Variants in KAZN observed in about 807,000 individuals in gnomAD.
KAZN encodes the protein kazrin.
In KAZN, 40 loss-of-function variants were observed where a neutral mutation model predicts 87.4. The ratio of observed to expected loss-of-function variants is 0.46; its 90% confidence interval spans 0.36 to 0.60. KAZN has a LOEUF of 0.60. Ranked by LOEUF, KAZN falls within the 20% of genes least tolerant of loss-of-function variation. The probability of loss-of-function intolerance (pLI) is 0.00; values close to 1 mark genes in which losing one functional copy is unlikely to be tolerated. For synonymous variants in KAZN, 466 were observed against 458.3 expected (o/e 1.02, Z -0.22); for missense variants, 898 against 1,073.9 (o/e 0.84, Z 2.29).
At chr1:14,458,582 A>T (rs1315372991) in intron 2 of KAZN, among the ~76,000 whole-genome samples, 1 of 152,140 alleles carries the variant, frequency 6.6e-6, no homozygotes, top group African/African-American at 2.4e-5. Flanking sequence ...TTCTCCGGGG[A>T]GGCTCTTGAG....
At chr1:14,742,451 T>C (rs1644132403) in intron 1 of KAZN, among the ~76,000 whole-genome samples, 1 of 152,152 alleles carries the variant, frequency 6.6e-6, no homozygotes, top group Non-Finnish European at 1.5e-5. Flanking sequence ...ACTTGTTGGA[T>C]TAACTAAGTG....
chr1:14,542,627 G>A (rs555614231), intron 2 of KAZN, among the ~76,000 whole-genome samples: 16 of 152,328 alleles, frequency 1.1e-4, no homozygotes, highest in South Asian at 8.3e-4. Context: ...GTGTGATGCT[G>A]AGGTTTGGAG....
intron 1 of KAZN, among the ~76,000 whole-genome samples, chr1:14,806,430 T>C (rs968510403): frequency 1.3e-5 from 2 of 152,188 alleles, no homozygotes; most frequent in Admixed American, 6.5e-5. Context: ...GATGCTGAAT[T>C]ATGCTTGAAG....
intron 2 of KAZN, among the ~76,000 whole-genome samples, chr1:14,447,208 C>CATTATT (rs55650123): frequency 0.089 from 11,727 of 131,066 alleles, 562 homozygotes; most frequent in African/African-American, 0.1. Context: ...GTTTCCACCA[C>CATTATT]ATTATTATTA....
chr1:14,826,872 C>T (rs764388732), intron 1 of KAZN, among the ~76,000 whole-genome samples: 48 of 152,268 alleles, frequency 3.2e-4, no homozygotes, highest in African/African-American at 7.5e-4. Context: ...GTTGGTGCAG[C>T]GAAAAGAATG....
At chr1:14,908,461 G>C (rs868852552) in intron 1 of KAZN, among the ~76,000 whole-genome samples, 1 of 152,328 alleles carries the variant, frequency 6.6e-6, no homozygotes, top group East Asian at 1.9e-4. Context: ...AGAATCGCTT[G>C]AGCCTGGAAG....
At chr1:14,667,563 A>G (rs570796964) in intron 1 of KAZN, among the ~76,000 whole-genome samples, 4 of 152,326 alleles carry the variant, frequency 2.6e-5, no homozygotes, top group Admixed American at 2.6e-4. Context: ...GTGCTTTGCC[A>G]GTCGGGCTGC....
chr1:14,536,213 C>A (rs1025702339), intron 2 of KAZN, among the ~76,000 whole-genome samples: 2 of 152,204 alleles, frequency 1.3e-5, no homozygotes, highest in East Asian at 1.9e-4. Context: ...TGGTTTAAAT[C>A]ATTTGGAATG....
chr1:14,604,496 C>A (rs974576187), intron 1 of KAZN, among the ~76,000 whole-genome samples: 1 of 152,204 alleles, frequency 6.6e-6, no homozygotes, highest in Non-Finnish European at 1.5e-5. Flanking sequence ...GGTTGCACGA[C>A]ACCAGAACAT....
At chr1:14,204,954 T>C (rs1350901739) in intron 2 of KAZN, among the ~76,000 whole-genome samples, 1 of 152,248 alleles carries the variant, frequency 6.6e-6, no homozygotes, top group East Asian at 1.9e-4. Flanking sequence ...TAAAATCTGA[T>C]TTCTTGCCAA....
intron 2 of KAZN, among the ~76,000 whole-genome samples, chr1:15,004,977 T>C (rs1668857020): frequency 6.6e-6 from 1 of 152,184 alleles, no homozygotes; most frequent in African/African-American, 2.4e-5. Flanking sequence ...AAGGTGATTA[T>C]TCTTTTGAGC....
intron 1 of KAZN, among the ~76,000 whole-genome samples, chr1:14,105,707 G>A (rs1234975383): frequency 6.6e-6 from 1 of 152,222 alleles, no homozygotes; most frequent in Non-Finnish European, 1.5e-5. Context: ...ATTTCATGGA[G>A]TTCCATGACC....
chr1:14,700,129 T>C (rs1235960061), intron 1 of KAZN, among the ~76,000 whole-genome samples: 1 of 152,184 alleles, frequency 6.6e-6, no homozygotes, highest in Non-Finnish European at 1.5e-5. Context: ...GAAGGACTTA[T>C]GGTCAAGAAA....
chr1:15,022,929 C>A (rs1342077141), intron 2 of KAZN, among the ~76,000 whole-genome samples: 1 of 152,214 alleles, frequency 6.6e-6, no homozygotes, highest in African/African-American at 2.4e-5. Flanking sequence ...GAGCACTGAG[C>A]CTCTGACAGC....
At chr1:14,316,695 T>A (rs1655677882) in intron 2 of KAZN, among the ~76,000 whole-genome samples, 1 of 151,988 alleles carries the variant, frequency 6.6e-6, no homozygotes, top group Non-Finnish European at 1.5e-5. Context: ...GCATTCAAAG[T>A]CATAAATCCC....
intron 2 of KAZN, among the ~76,000 whole-genome samples, chr1:14,215,204 A>G (rs925029011): frequency 2.0e-5 from 3 of 152,210 alleles, no homozygotes; most frequent in Non-Finnish European, 2.9e-5. Flanking sequence ...TTCTTCTAAT[A>G]ATTTTCTGTG....
intron 8 of KAZN, among the ~76,000 whole-genome samples, chr1:15,074,468 C>T (rs1262702730): frequency 7.9e-5 from 12 of 152,156 alleles, no homozygotes; most frequent in Admixed American, 7.9e-4. Flanking sequence ...GGGTGTCCCC[C>T]GGCTTCCCTG....
intron 1 of KAZN, among the ~76,000 whole-genome samples, chr1:14,682,070 A>G (rs575032021): frequency 6.6e-6 from 1 of 152,090 alleles, no homozygotes; most frequent in South Asian, 2.1e-4. Context: ...ATCCATCTCC[A>G]GAACGTTTTT....
chr1:14,797,389 T>G (rs1308978740), intron 1 of KAZN, among the ~76,000 whole-genome samples: 2 of 152,120 alleles, frequency 1.3e-5, no homozygotes, highest in Non-Finnish European at 2.9e-5. Context: ...TTAACTATGT[T>G]TTGTCCAAGA....
Sources: gnomAD v4.1 joint callset for allele counts (sites outside exome capture counted in the v4.1 genomes callset) on GRCh38, gnomAD v4.1.1 for gene constraint, MANE v1.5 for transcripts, NCBI Gene and HGNC (gene_info 2026-07-23, HGNC 2026-07-21) for gene names.